NSF: variants seen among roughly 807,000 people sequenced by gnomAD.
NSF encodes N-ethylmaleimide sensitive factor, vesicle fusing ATPase.
In NSF, 14 loss-of-function variants were observed where a neutral mutation model predicts 50.3. The observed-to-expected ratio is 0.28, with a 90% CI of 0.18 to 0.44. The LOEUF is 0.44. NSF is among the 20% of genes least tolerant of loss of function. NSF has a pLI of 1.00. For missense variants in NSF, 218 were observed against 504.3 expected (o/e 0.43, Z 5.44); for synonymous variants, 109 against 175.7 (o/e 0.62, Z 3.00).
rs1598673932 is a variant in NSF, at chr17:46,678,938, A to G, written c.945+4325A>G. 4.0e-5 allele frequency among the ~76,000 whole-genome samples: 6 copies of G among 148,274 alleles called. No individual in the cohort carries two copies. In the South Asian group the frequency reaches 8.7e-4, roughly 21 times the overall value. ...AATGATCATAGAAATATATAATGGA[A>G]TACAAGGCAGTAATGAAAATAAATA... On this transcript the variant is annotated intron_variant, in intron 9 of 20. Transcript: ENST00000398238.
At chr17:46,731,048 CAT>C (rs1491398168) in intron 17 of NSF, among the ~76,000 whole-genome samples, 1 of 152,128 alleles carries the variant, frequency 6.6e-6, no homozygotes, top group African/African-American at 2.4e-5. Flanking sequence ...CAATGAAAAA[CAT>C]ATGTCCACAT....
intron 15 of NSF, among the ~76,000 whole-genome samples, chr17:46,714,655 C>T (rs776446055): frequency 6.6e-6 from 1 of 152,200 alleles, no homozygotes; most frequent in Non-Finnish European, 1.5e-5. Flanking sequence ...CAACAAAAAT[C>T]AATGATGAAG....
At chr17:46,726,659 A>G in intron 16 of NSF, 44 bp downstream of exon 16, 1 of 1,500,980 alleles carries the variant, frequency 6.7e-7, no homozygotes, top group Non-Finnish European at 9.3e-7. Flanking sequence ...GCCACATTAC[A>G]GCTAATATCT....
In NSF at chr17:46,756,011, C is replaced by A; in HGVS notation, c.*188C>A. 1 of 575,088 alleles carries A rather than the reference C, an allele frequency of 1.7e-6. No homozygotes were observed. The highest frequency in any genetic ancestry group is 3.0e-6 in the Non-Finnish European group (1 of 331,648). 35.6% of individuals were successfully genotyped at this position (575,088 alleles called of 1,614,324 possible). A position where few individuals can be genotyped will look rare whatever the true frequency, so the allele number is the denominator to read the frequency against. ...TGCATACTGAGATAGCTTAGTGTCT[C>A]GTGGAAGGTGTCAATTTGGTTTAGA... On this transcript the variant is annotated 3_prime_UTR_variant, in exon 21 of 21. Coordinates refer to ENST00000398238, the MANE Select transcript of NSF (RefSeq NM_006178.4).
chr17:46,747,304 A>G (rs1568060711), intron 17 of NSF, among the ~76,000 whole-genome samples: 1 of 152,180 alleles, frequency 6.6e-6, no homozygotes, highest in Non-Finnish European at 1.5e-5. Flanking sequence ...TTTTTGAGAC[A>G]GAGTCTCACT....
chr17:46,747,101 G>T (rs145324285), intron 17 of NSF, among the ~76,000 whole-genome samples: 142 of 152,302 alleles, frequency 9.3e-4, no homozygotes, highest in African/African-American at 3.4e-3. Context: ...TCATCCTATA[G>T]TGAAGCCCCC....
chr17:46,741,563 G>A (rs1425512088), intron 17 of NSF, among the ~76,000 whole-genome samples: 4 of 151,714 alleles, frequency 2.6e-5, no homozygotes, highest in Non-Finnish European at 5.9e-5. Context: ...TCCTTCCTTT[G>A]GTATTCAGCT....
At chr17:46,708,652 C>T (rs1305084468) in intron 13 of NSF, among the ~76,000 whole-genome samples, 19 of 149,752 alleles carry the variant, frequency 1.3e-4, no homozygotes, top group South Asian at 2.1e-4. Flanking sequence ...TCACCATGCC[C>T]GGCTAATTTT....
intron 1 of NSF, among the ~76,000 whole-genome samples, chr17:46,603,235 TG>T (rs1213301941): frequency 6.9e-6 from 1 of 144,568 alleles, no homozygotes; most frequent in Non-Finnish European, 1.5e-5. Flanking sequence ...AACCTGTCAG[TG>T]TTCCTGTTTT....
chr17:46,739,235 G>A (rs2146316759), intron 17 of NSF, among the ~76,000 whole-genome samples: 1 of 152,206 alleles, frequency 6.6e-6, no homozygotes, highest in Middle Eastern at 3.4e-3. Context: ...GCCAGGCATG[G>A]TGACAGGCGT....
At chr17:46,737,459 A>G (rs1013669935) in intron 17 of NSF, among the ~76,000 whole-genome samples, 1 of 152,210 alleles carries the variant, frequency 6.6e-6, no homozygotes, top group Non-Finnish European at 1.5e-5. Flanking sequence ...AACAAGAGGA[A>G]GAGGGTGCCT....
intron 17 of NSF, among the ~76,000 whole-genome samples, chr17:46,742,462 G>A (rs1314718713): frequency 6.6e-6 from 1 of 152,188 alleles, no homozygotes; most frequent in Non-Finnish European, 1.5e-5. Flanking sequence ...AAGCCAAACC[G>A]ACTTAAGTCC....
chr17:46,746,173 A>G (rs2059126057), intron 17 of NSF, among the ~76,000 whole-genome samples: 1 of 152,234 alleles, frequency 6.6e-6, no homozygotes, highest in African/African-American at 2.4e-5. Flanking sequence ...TAAATGTCTG[A>G]TGATAAGCAT....
intron 19 of NSF, among the ~76,000 whole-genome samples, chr17:46,752,930 G>C (rs1026570885): frequency 1.1e-4 from 17 of 151,998 alleles, no homozygotes; most frequent in African/African-American, 4.1e-4. Context: ...ACCATGCCTG[G>C]CTAATTTTTT....
intron 17 of NSF, among the ~76,000 whole-genome samples, chr17:46,730,809 A>G (rs1384444750): frequency 6.6e-6 from 1 of 152,192 alleles, no homozygotes; most frequent in Non-Finnish European, 1.5e-5. Flanking sequence ...AAGAAGAGGT[A>G]CTCAACATCA....
chr17:46,610,023 TTCTTTCTC>T (rs2057995441), intron 1 of NSF, among the ~76,000 whole-genome samples: 1 of 81,266 alleles, frequency 1.2e-5, no homozygotes, highest in Non-Finnish European at 2.9e-5. Flanking sequence ...CTTTCTTTCT[TTCTTTCTC>T]TCTCTCTCTC....
At position 46,711,071 on chromosome 17, in the gene NSF, C is replaced by T. The variant is rs1454271621; in HGVS notation, c.1579C>T (p.Gln527Ter). 6.3e-7 allele frequency: 1 copy of T among 1,582,722 alleles called. No homozygotes were observed. Among genetic ancestry groups the T allele is most frequent in the South Asian group, 1.2e-5 (1 of 85,652 alleles). ...AGATGATGGGGAGCTGCTGGTGCAG[C>T]AGACTAAGAACAGTGACCGCACACC... ...VLDDGELLVQ[Q>*]TKNSDRTPLV... Residue 527 changes from glutamine (Q) to a stop codon, truncating the protein, a stop_gained, in exon 14 of 21, where the codon CAG (glutamine) becomes TAG (stop). Transcript: ENST00000398238. LOFTEE classifies it high-confidence loss of function.
At chr17:46,745,377 T>C (rs1183992043) in intron 17 of NSF, among the ~76,000 whole-genome samples, 1 of 152,212 alleles carries the variant, frequency 6.6e-6, no homozygotes, top group Non-Finnish European at 1.5e-5. Flanking sequence ...AGACCCAAAC[T>C]TGCCTGGGTC....
At chr17:46,704,704 C>G in intron 12 of NSF, 55 bp from the exon 13 acceptor site, 5 of 1,579,536 alleles carry the variant, frequency 3.2e-6, no homozygotes, top group Non-Finnish European at 4.3e-6. Flanking sequence ...TGAATATATT[C>G]TTAACTATTC....
Sources: gnomAD v4.1 joint callset for allele counts (sites outside exome capture counted in the v4.1 genomes callset) on GRCh38, gnomAD v4.1.1 for gene constraint, MANE v1.5 for transcripts, NCBI Gene and HGNC (gene_info 2026-07-23, HGNC 2026-07-21) for gene names.